Variants in BTNL3 observed in about 807,000 individuals in gnomAD.
BTNL3 encodes the protein butyrophilin-like protein 3.
A neutral mutation model predicts 40.1 loss-of-function variants in BTNL3; 20 were observed. The observed-to-expected ratio is 0.50, with a 90% CI of 0.35 to 0.72. The LOEUF (loss-of-function observed/expected upper bound fraction) is 0.72, where lower values mean the gene tolerates loss of function less well. Ranked by LOEUF, BTNL3 falls within the 30% of genes least tolerant of loss-of-function variation. The probability of loss-of-function intolerance (pLI) is 0.01; values close to 1 mark genes in which losing one functional copy is unlikely to be tolerated. For synonymous variants in BTNL3, 179 were observed against 222.1 expected (o/e 0.81, Z 1.73); for missense variants, 449 against 582.2 (o/e 0.77, Z 2.35).
chr5:180,996,983 G>C (rs1760041443), intron 2 of BTNL3, among the ~76,000 whole-genome samples: 1 of 136,358 alleles, frequency 7.3e-6, no homozygotes, highest in African/African-American at 2.5e-5. Flanking sequence ...AATGAACATA[G>C]ACCATGGAAG....
chr5:180,988,897 C>A lies in BTNL3; in HGVS notation c.-132C>A. On this transcript the variant is annotated 5_prime_UTR_variant, in exon 1 of 8. Coordinates refer to ENST00000342868, the MANE Select transcript of BTNL3 (RefSeq NM_197975.3). ...TAGGGAGGCTCTAGGGAGAAATGCA[C>A]AGTTTGACATCGTTCATGAAGAGCC... The A allele has an allele frequency of 9.4e-7, 1 of 1,060,676 alleles. No individual in the cohort carries two copies. The highest frequency in any genetic ancestry group is 1.3e-6 in the Non-Finnish European group (1 of 741,652). 65.7% of individuals were successfully genotyped at this position (1,060,676 alleles called of 1,614,324 possible).
Position 180,999,456 on chromosome 5 carries a change from AC to A in BTNL3, c.673+1969del, listed in dbSNP as rs565540785. 3.8e-3 allele frequency among the ~76,000 whole-genome samples: 518 copies of A among 137,210 alleles called. 61 individuals carry two copies. Among genetic ancestry groups the A allele is most frequent in the African/African-American group, 0.012 (488 of 39,910 alleles). 90.0% of individuals were successfully genotyped at this position (137,210 alleles called of 152,430 possible). On this transcript the variant is annotated intron_variant, in intron 3 of 7. Coordinates refer to ENST00000342868, the MANE Select transcript of BTNL3 (RefSeq NM_197975.3). ...TTTGTAAGATAAACTGCTTTGAATA[AC>A]TTTTTCCTTTTCTATTGAATATGAT...
intron 1 of BTNL3, among the ~76,000 whole-genome samples, chr5:180,991,107 C>T (rs530557300): frequency 1.5e-5 from 2 of 137,212 alleles, no homozygotes; most frequent in South Asian, 4.3e-4. Flanking sequence ...GTGCCCATCC[C>T]ATTCCAGGGG....
chr5:180,997,971 G>T lies in BTNL3; in HGVS notation c.673+483G>T, dbSNP rs982064278. 2.2e-5 allele frequency among the ~76,000 whole-genome samples: 3 copies of T among 136,494 alleles called. 1 individual carries two copies. The highest frequency in any genetic ancestry group is 5.0e-5 in the Non-Finnish European group (3 of 59,800). 89.5% of individuals were successfully genotyped at this position (136,494 alleles called of 152,430 possible). ...GTTAAAAGACAAAGAATCTCAGACT[G>T]GATTTAAAAATCTCATCGCTTGAAC... On this transcript the variant is annotated intron_variant, in intron 3 of 7. Coordinates refer to ENST00000342868, the MANE Select transcript of BTNL3 (RefSeq NM_197975.3).
In BTNL3 at chr5:181,006,028, C is replaced by A; in HGVS notation, c.*156C>A. ...TTTAGGGAGCTGAGGTTCTTCTGCC[C>A]TGAGCCCTGCAGCAGCGGCAGTCAC... On this transcript the variant is annotated 3_prime_UTR_variant, in exon 8 of 8. Coordinates refer to ENST00000342868, the MANE Select transcript of BTNL3 (RefSeq NM_197975.3). 1.2e-6 allele frequency: 1 copy of A among 825,768 alleles called. No homozygotes were observed. The highest frequency in any genetic ancestry group is 1.8e-6 in the Non-Finnish European group (1 of 552,888). 51.2% of individuals were successfully genotyped at this position (825,768 alleles called of 1,614,324 possible).
chr5:181,004,968 G>A (rs567455608), intron 7 of BTNL3, among the ~76,000 whole-genome samples: 12 of 152,220 alleles, frequency 7.9e-5, no homozygotes, highest in Admixed American at 2.0e-4. Flanking sequence ...CAGGCAAGAC[G>A]CCAGGGAACT....
At chr5:180,989,131 G>A in intron 1 of BTNL3, 54 bp downstream of exon 1, 1 of 1,392,368 alleles carries the variant, frequency 7.2e-7, no homozygotes. Context: ...AATATTTTGA[G>A]TTCATTCATG....
rs765491195 is a variant in BTNL3 at position 181,005,582 on chromosome 5, T to C, written c.1111T>C (p.Leu371=). The C allele has an allele frequency of 6.2e-7, 1 of 1,613,952 alleles. No homozygotes were observed. Residue 371 remains leucine, a synonymous_variant, in exon 8 of 8, where the codon TTG becomes CTG. Coordinates refer to ENST00000342868, the MANE Select transcript of BTNL3 (RefSeq NM_197975.3). ...AGACAGGGGGAAGAACAATGTGACTTTGTCTCCCAACAATGGGTATTGGGT... is the reference window on the plus strand; with the variant it reads ...AGACAGGGGGAAGAACAATGTGACTCTGTCTCCCAACAATGGGTATTGGGT... ...DVDRGKNNVT[L]SPNNGYWVLR... is the part of the protein sequence containing the mutation.
chr5:180,992,880 C>A lies in BTNL3; in HGVS notation c.117C>A (p.Ser39=). The part of the protein sequence containing the change: ...QALVGEDAVF[S]CSLFPETSAE... The stretch of plus-strand genomic sequence containing the variant: ...TGGTGGGGGAGGACGCCGTGTTCTC[C>A]TGCTCCCTCTTTCCTGAGACCAGTG... The change falls in exon 2 of 8, where the codon TCC becomes TCA. Residue 39 remains serine (S), a synonymous_variant. Coordinates refer to ENST00000342868, the MANE Select transcript of BTNL3 (RefSeq NM_197975.3). The A allele has an allele frequency of 6.8e-7, 1 of 1,463,286 alleles. No individual in the cohort carries two copies. The highest frequency in any genetic ancestry group is 9.4e-7 in the Non-Finnish European group (1 of 1,058,912). 90.6% of individuals were successfully genotyped at this position (1,463,286 alleles called of 1,614,324 possible).
Position 180,997,089 on chromosome 5 carries a change from TGAGA to T in BTNL3, c.398-109_398-106del, listed in dbSNP as rs145632920. ...ACAGAGAGAAAAGGATGTGTGTGTG[TGAGA>T]GAGAGAGAGAGAGAAAAGGATGTAT... On this transcript the variant is annotated intron_variant, in intron 2 of 7. Transcript: ENST00000342868. The T allele has an allele frequency of 4.1e-4, 449 of 1,099,894 alleles. 21 individuals carry two copies. Among genetic ancestry groups the T allele is most frequent in the Non-Finnish European group, 4.5e-4 (353 of 780,714 alleles). The allele number at this position is 1,099,894 out of a possible 1,614,324, so 68.1% of individuals were successfully genotyped here.
rs1258333512 is a variant in BTNL3 at position 180,998,996 on chromosome 5, G to A, written c.673+1508G>A. On this transcript the variant is annotated intron_variant, in intron 3 of 7. Coordinates refer to ENST00000342868, the MANE Select transcript of BTNL3 (RefSeq NM_197975.3). ...ACAAAAATTAGCCGGGTGTGGTGGCGGGTGCCTGTAATCCCAGCTACCTGG... is the reference window on the plus strand; with the variant it reads ...ACAAAAATTAGCCGGGTGTGGTGGCAGGTGCCTGTAATCCCAGCTACCTGG... Among the ~76,000 whole-genome samples the A allele has an allele frequency of 2.9e-5, 4 of 135,728 alleles. 1 individual carries two copies. The highest frequency in any genetic ancestry group is 5.1e-5 in the African/African-American group (2 of 39,494). 89.0% of individuals were successfully genotyped at this position (135,728 alleles called of 152,430 possible).
At position 180,991,237 on chromosome 5, in the gene BTNL3, G is replaced by A. The variant is rs972356146; in HGVS notation, c.50-1576G>A. 1.5e-4 allele frequency among the ~76,000 whole-genome samples: 21 copies of A among 137,844 alleles called. 6 individuals carry two copies. Among genetic ancestry groups the A allele is most frequent in the East Asian group, 6.4e-4 (3 of 4,668 alleles). 90.4% of individuals were successfully genotyped at this position (137,844 alleles called of 152,430 possible). On this transcript the variant is annotated intron_variant, in intron 1 of 7. Coordinates refer to ENST00000342868, the MANE Select transcript of BTNL3 (RefSeq NM_197975.3). Reference sequence around the variant, plus strand: ...TAATAATGCTCTTAAAGATGCATGAGTGAAATACATTTCAGCAAGATTTAT... The same window carrying A: ...TAATAATGCTCTTAAAGATGCATGAATGAAATACATTTCAGCAAGATTTAT...
Position 180,989,326 on chromosome 5 carries a change from G to A in BTNL3, c.49+249G>A, listed in dbSNP as rs771156239. On this transcript the variant is annotated intron_variant, in intron 1 of 7. Coordinates refer to ENST00000342868, the MANE Select transcript of BTNL3 (RefSeq NM_197975.3). ...CACTATCACAGTAGCTCAGAATAAT[G>A]GGAGCAGGCCCTGGGAGCAGGGAGG... Among the ~76,000 whole-genome samples the A allele has an allele frequency of 2.9e-5, 4 of 136,574 alleles. 1 individual carries two copies. Among genetic ancestry groups the A allele is most frequent in the African/African-American group, 5.1e-5 (2 of 39,578 alleles). 89.6% of individuals were successfully genotyped at this position (136,574 alleles called of 152,430 possible).
At chr5:181,002,471 AATATATATATATATATATATATAT>A (rs56895500) in intron 3 of BTNL3, among the ~76,000 whole-genome samples, 177 bp from the exon 4 acceptor site, 1 of 73,888 alleles carries the variant, frequency 1.4e-5, no homozygotes, top group Non-Finnish European at 3.0e-5. Context: ...CACACACGTG[AATATATATATATATATATATATAT>A]ATATATATAT....
At chr5:181,003,485 T>C (rs2113087411) in intron 4 of BTNL3, among the ~76,000 whole-genome samples, 1 of 137,448 alleles carries the variant, frequency 7.3e-6, no homozygotes, top group Admixed American at 7.6e-5. Context: ...ACTGACTGAC[T>C]GAGATAAAAT....
intron 6 of BTNL3, 122 bp from the exon 7 acceptor site, chr5:181,004,614 C>G: frequency 6.2e-7 from 1 of 1,608,654 alleles, no homozygotes; most frequent in Non-Finnish European, 8.5e-7. Context: ...CCATAGCCTT[C>G]TTCAGATCTC....
Position 181,005,371 on chromosome 5 carries a change from G to T in BTNL3, c.900G>T (p.Lys300Asn), listed in dbSNP as rs559284545. The change falls in exon 8 of 8, where the codon AAG becomes AAT. Residue 300 changes from lysine to asparagine, a missense_variant. By Grantham distance (94) the Lys-to-Asn change is moderately conservative. Coordinates refer to ENST00000342868, the MANE Select transcript of BTNL3 (RefSeq NM_197975.3). Reference sequence around the variant, plus strand: ...TGGATCCAGAGACGGCTCACCCGAAGCTCTGCGTTTCTGATCTGAAAACTG... The same window carrying T: ...TGGATCCAGAGACGGCTCACCCGAATCTCTGCGTTTCTGATCTGAAAACTG... Reference protein sequence around the residue: ...VTLDPETAHPKLCVSDLKTVT... With the variant: ...VTLDPETAHPNLCVSDLKTVT... 9.3e-6 allele frequency: 15 copies of T among 1,612,902 alleles called. No homozygotes were observed. The South Asian group carries it at 1.6e-4, about 18-fold the overall frequency.
rs950890661 is a variant in BTNL3, at chr5:181,001,504, G to A, written c.674-1168G>A. 2.7e-4 allele frequency among the ~76,000 whole-genome samples: 35 copies of A among 129,572 alleles called. 7 individuals are homozygous for A. Among genetic ancestry groups the A allele is most frequent in the Non-Finnish European group, 5.4e-4 (31 of 57,228 alleles). The allele number at this position is 129,572 out of a possible 152,430, so 85.0% of individuals were successfully genotyped here. A position where few individuals can be genotyped will look rare whatever the true frequency, so the allele number is the denominator to read the frequency against. ...AATTTTAAATATTTTTATAGATGGG[G>A]GGGGGTCTCACTTTGTTGCCTAGAC... On this transcript the variant is annotated intron_variant, in intron 3 of 7. Transcript: ENST00000342868.
In BTNL3 at chr5:181,005,763, C is replaced by G; in HGVS notation, c.1292C>G (p.Thr431Ser). 1 of 1,614,126 alleles carries G rather than the reference C, an allele frequency of 6.2e-7. No individual in the cohort carries two copies. Among genetic ancestry groups the G allele is most frequent in the Non-Finnish European group, 8.5e-7 (1 of 1,180,016 alleles). ...ACAAATGACCAGTCCCTTATTTATACCCTGCTGACATGTCAGTTTGAAGGC... is the reference window on the plus strand; with the variant it reads ...ACAAATGACCAGTCCCTTATTTATAGCCTGCTGACATGTCAGTTTGAAGGC... ...FNTNDQSLIY[T>S]LLTCQFEGLL... The change falls in exon 8 of 8, where the codon ACC (threonine) becomes AGC (serine). Residue 431 changes from threonine (T) to serine (S), a missense_variant. Physicochemically the swap from Thr to Ser is moderately conservative, Grantham distance 58. This residue lies in a region of BTNL3 where 126 missense variants were observed against 117.2 expected (regional missense o/e 1.07). Transcript: ENST00000342868.
Sources: allele counts gnomAD v4.1 joint callset (sites outside exome capture counted in the v4.1 genomes callset), GRCh38; gene constraint gnomAD v4.1.1; regional missense constraint gnomAD v4.1.1; transcripts MANE v1.5; gene names NCBI Gene and HGNC (gene_info 2026-07-23, HGNC 2026-07-21).